Variants in NFASC observed in about 807,000 individuals in gnomAD.
NFASC encodes neurofascin, also known as neurofascin homolog.
NFASC carries 43 observed loss-of-function variants against 147.5 expected under a neutral mutation model. The observed-to-expected ratio is 0.29, with a 90% CI of 0.23 to 0.38. NFASC has a LOEUF of 0.38. NFASC is among the 10% of genes least tolerant of loss of function. The pLI is 1.00. For missense variants in NFASC, 1,320 were observed against 1,689.0 expected (o/e 0.78, Z 3.83); for synonymous variants, 622 against 665.5 (o/e 0.93, Z 1.01).
intron 4 of NFASC, among the ~76,000 whole-genome samples, chr1:204,951,298 A>ACCCT (rs1387739158): frequency 5.9e-5 from 8 of 136,230 alleles, no homozygotes; most frequent in East Asian, 2.3e-4. Context: ...ATAGGTGCTC[A>ACCCT]CCACCATGCC....
At chr1:204,939,905 C>T (rs1022641138) in intron 2 of NFASC, among the ~76,000 whole-genome samples, 2 of 152,224 alleles carry the variant, frequency 1.3e-5, no homozygotes, top group African/African-American at 2.4e-5. Flanking sequence ...CTAGAACTCT[C>T]ATACTCAGAA....
Position 204,988,658 on chromosome 1 carries a change from G to A in NFASC, c.2619G>A (p.Gln873=). The change falls in exon 23 of 30, where the codon CAG becomes CAA. Residue 873 remains glutamine (Q), a synonymous_variant. Coordinates refer to ENST00000339876, the MANE Select transcript of NFASC (RefSeq NM_001005388.3). ...TTAACGGGACCAAAGTAGGAAAGCA[G>A]ATAGTGGAAAACTTCTCTCCCAATC... is the stretch of plus-strand genomic sequence containing the variant. The part of the protein sequence containing the change: ...VAFNGTKVGK[Q]IVENFSPNQT... 1 of 1,614,230 alleles carries A rather than the reference G, an allele frequency of 6.2e-7. No homozygotes were observed. Among genetic ancestry groups the A allele is most frequent in the East Asian group, 2.2e-5 (1 of 44,890 alleles).
chr1:204,980,422 C>CA lies in NFASC; in HGVS notation c.2230dup (p.Met744AsnfsTer55). On this transcript the variant is annotated frameshift_variant, in exon 20 of 30. Coordinates refer to ENST00000339876, the MANE Select transcript of NFASC (RefSeq NM_001005388.3). LOFTEE classifies it high-confidence loss of function. ...AGGGAGAGGGGACCAGAAAGAACAACATGGAGATCACGTGGACGGTAAGAG... is the reference window on the plus strand; with the variant it reads ...AGGGAGAGGGGACCAGAAAGAACAACAATGGAGATCACGTGGACGGTAAGAG... 1 of 1,613,386 alleles carries CA rather than the reference C, an allele frequency of 6.2e-7. No individual in the cohort carries two copies. Among genetic ancestry groups the CA allele is most frequent in the Non-Finnish European group, 8.5e-7 (1 of 1,179,572 alleles).
intron 1 of NFASC, among the ~76,000 whole-genome samples, chr1:204,902,822 G>A (rs973530409): frequency 1.3e-5 from 2 of 152,160 alleles, no homozygotes; most frequent in African/African-American, 4.8e-5. Context: ...CCAGTGAGGG[G>A]GAGAGGCATG....
intron 26 of NFASC, among the ~76,000 whole-genome samples, chr1:205,002,052 A>C (rs1381179372): frequency 6.6e-6 from 1 of 152,150 alleles, no homozygotes; most frequent in Non-Finnish European, 1.5e-5. Flanking sequence ...TTTGGTCCAT[A>C]CTTTTTCAGG....
intron 2 of NFASC, among the ~76,000 whole-genome samples, chr1:204,933,939 G>A (rs1436244279): frequency 6.6e-6 from 1 of 151,918 alleles, no homozygotes; most frequent in African/African-American, 2.4e-5. Flanking sequence ...GGAGTTCGAG[G>A]CCAGCCTGGC....
At position 204,995,474 on chromosome 1, in the gene NFASC, AG is replaced by A. The variant is rs546542820; in HGVS notation, c.2783-1693del. ...CACAGCCCTAAATAAAGAATCTGAG[AG>A]GGAGAGTTGCCCCACCGCTCACCCC... On this transcript the variant is annotated intron_variant, in intron 24 of 29. Transcript: ENST00000339876. Among the ~76,000 whole-genome samples the A allele has an allele frequency of 1.4e-3, 211 of 152,130 alleles. 1 individual carries two copies. The highest frequency in any genetic ancestry group is 1.4e-3 in the Non-Finnish European group (98 of 67,990).
chr1:204,839,668 C>T (rs751953857), intron 1 of NFASC, among the ~76,000 whole-genome samples: 3 of 152,184 alleles, frequency 2.0e-5, no homozygotes, highest in Non-Finnish European at 4.4e-5. Context: ...GAGCTCGCCT[C>T]TCCTCTTCCA....
chr1:204,957,508 T>A, intron 7 of NFASC, 148 bp from the exon 8 acceptor site: 1 of 658,944 alleles, frequency 1.5e-6, no homozygotes, highest in Non-Finnish European at 2.6e-6. Context: ...GAATAAGCCA[T>A]ACTTCAGAGT....
intron 26 of NFASC, 59 bp downstream of exon 26, chr1:205,001,345 A>G: frequency 9.4e-7 from 1 of 1,062,878 alleles, no homozygotes; most frequent in Non-Finnish European, 1.4e-6. Flanking sequence ...AGCGGCGGGT[A>G]GTGGTAGATG....
chr1:204,919,066 CCAGGCTAGAGTG>C (rs1249353504), intron 1 of NFASC, among the ~76,000 whole-genome samples: 1 of 151,986 alleles, frequency 6.6e-6, no homozygotes, highest in Non-Finnish European at 1.5e-5. Flanking sequence ...GCTCTGTCAC[CCAGGCTAGAGTG>C]CAATGGCATG....
rs1355827805 is a variant in NFASC, at chr1:204,975,063, C to A, written c.1559-208C>A. Among the ~76,000 whole-genome samples, 1 of 152,228 alleles carries A rather than the reference C, an allele frequency of 6.6e-6. No homozygotes were observed. Reference sequence around the variant, plus strand: ...CAGCCCAGAAATTACATCATATATTCCTGAGCCAGATGGAGTGGATTTGGG... The same window carrying A: ...CAGCCCAGAAATTACATCATATATTACTGAGCCAGATGGAGTGGATTTGGG... On this transcript the variant is annotated intron_variant, in intron 14 of 29. Transcript: ENST00000339876. The surrounding 1 kb of genome is among the most constrained non-coding windows in gnomAD (Gnocchi z 4.0).
intron 1 of NFASC, among the ~76,000 whole-genome samples, chr1:204,846,974 T>TGTGTGTGTGTGTG (rs1403581484): frequency 6.6e-6 from 1 of 151,908 alleles, no homozygotes; most frequent in African/African-American, 2.4e-5. Context: ...TGTGTGTGTG[T>TGTGTGTGTGTGTG]GTGTGGTGTG....
At chr1:204,911,694 T>G (rs2087545119) in intron 1 of NFASC, among the ~76,000 whole-genome samples, 1 of 152,222 alleles carries the variant, frequency 6.6e-6, no homozygotes, top group Admixed American at 6.5e-5. Context: ...AAAAGAGATT[T>G]TATTGAATTG....
intron 24 of NFASC, among the ~76,000 whole-genome samples, chr1:204,996,495 C>A (rs962581187): frequency 3.3e-5 from 5 of 152,122 alleles, no homozygotes; most frequent in Admixed American, 2.6e-4. Context: ...AGGGCTACCA[C>A]TGAGCAGAGA....
chr1:204,944,169 C>A, intron 2 of NFASC, 57 bp from the exon 3 acceptor site: 1 of 1,489,762 alleles, frequency 6.7e-7, no homozygotes, highest in Non-Finnish European at 9.1e-7. Context: ...TGTAGGATTG[C>A]TAGAGCAAAC....
At chr1:204,957,407 G>C (rs2094479421) in intron 7 of NFASC, among the ~76,000 whole-genome samples, 2 of 152,214 alleles carry the variant, frequency 1.3e-5, no homozygotes, top group Non-Finnish European at 2.9e-5. Flanking sequence ...GACATGGTGG[G>C]CAGGCAGGTC....
At chr1:204,991,165 T>C (rs182378488) in intron 23 of NFASC, 127 bp from the exon 24 acceptor site, 5 of 1,120,842 alleles carry the variant, frequency 4.5e-6, no homozygotes, top group Non-Finnish European at 6.6e-6. Context: ...CCACGCCGTC[T>C]GCATAAGGTT....
intron 21 of NFASC, chr1:204,984,071 A>T: frequency 1.2e-6 from 2 of 1,614,238 alleles, no homozygotes; most frequent in Non-Finnish European, 1.7e-6. Context: ...AGTCATGAAC[A>T]GCACAGCCAT....
Sources: gnomAD v4.1 joint callset for allele counts (sites outside exome capture counted in the v4.1 genomes callset) on GRCh38, gnomAD v4.1.1 for gene constraint, Gnocchi (gnomAD v3.1) non-coding constraint, MANE v1.5 for transcripts, NCBI Gene and HGNC (gene_info 2026-07-23, HGNC 2026-07-21) for gene names.